BLK: variants seen among roughly 807,000 people sequenced by gnomAD.
BLK encodes the protein BLK proto-oncogene, Src family tyrosine kinase, also known as tyrosine-protein kinase Blk.
Under a neutral mutation model 61.8 loss-of-function variants are expected in BLK, and 64 were observed. The observed-to-expected ratio is 1.03, with a 90% confidence interval of 0.85 to 1.27. BLK has a LOEUF of 1.27. BLK is among the 50% of genes most tolerant of loss of function. The probability of loss-of-function intolerance (pLI) is 0.00; values close to 1 mark genes in which losing one functional copy is unlikely to be tolerated. For missense variants in BLK, 853 were observed against 660.5 expected, an observed-to-expected ratio of 1.29 and a Z score of -3.19; for synonymous variants, 351 against 272.0, an observed-to-expected ratio of 1.29 and a Z score of -2.86.
At chr8:11,562,748 G>C (rs1280821277) in intron 11 of BLK, among the ~76,000 whole-genome samples, 2 of 152,200 alleles carry the variant, frequency 1.3e-5, no homozygotes, top group Non-Finnish European at 2.9e-5. Flanking sequence ...GTGACTGTGT[G>C]GTATTGGTGT....
At chr8:11,529,907 A>G (rs1159280446) in intron 1 of BLK, among the ~76,000 whole-genome samples, 1 of 152,188 alleles carries the variant, frequency 6.6e-6, no homozygotes, top group South Asian at 2.1e-4. Flanking sequence ...CAAGGAATCC[A>G]GGTGAATAAC....
At chr8:11,540,076 C>T (rs1444247476) in intron 1 of BLK, among the ~76,000 whole-genome samples, 1 of 152,034 alleles carries the variant, frequency 6.6e-6, no homozygotes, top group East Asian at 1.9e-4. Context: ...TCTCTCTTCG[C>T]TTCTGGGTAT....
intron 1 of BLK, among the ~76,000 whole-genome samples, chr8:11,540,826 C>T (rs35451117): frequency 2.0e-5 from 3 of 148,478 alleles, no homozygotes; most frequent in African/African-American, 7.5e-5. Flanking sequence ...GAACAGATAA[C>T]CCCACTGTTA....
At chr8:11,503,181 A>G (rs1358612079) in intron 1 of BLK, among the ~76,000 whole-genome samples, 3 of 152,208 alleles carry the variant, frequency 2.0e-5, no homozygotes, top group East Asian at 1.9e-4. Flanking sequence ...ATGTTTGTGT[A>G]TGTGTGAAGC....
intron 6 of BLK, among the ~76,000 whole-genome samples, 189 bp downstream of exon 6, chr8:11,550,451 G>C (rs571297859): frequency 3.3e-5 from 5 of 152,252 alleles, no homozygotes; most frequent in Non-Finnish European, 5.9e-5. Context: ...AGTCCTCCCT[G>C]TCCCGGCTGG....
In BLK at chr8:11,554,858, C is replaced by G. The variant is rs753444298; in HGVS notation, c.588C>G (p.Pro196=). The G allele has an allele frequency of 6.2e-6, 10 of 1,613,852 alleles. No individual in the cohort carries two copies. In the South Asian group the frequency reaches 1.1e-4, roughly 18 times the overall value. The change falls in exon 7 of 13, where the codon CCC becomes CCG. Residue 196 remains proline (P), a synonymous_variant. Coordinates refer to ENST00000259089, the MANE Select transcript of BLK (RefSeq NM_001715.3). Reference sequence around the variant, plus strand: ...ACATCTCCCCCCGGATCACCTTCCCCTCGCTCCAGGCCCTGGTGCAGCACT... The same window carrying G: ...ACATCTCCCCCCGGATCACCTTCCCGTCGCTCCAGGCCCTGGTGCAGCACT... The part of the protein sequence containing the change: ...GYYISPRITF[P]SLQALVQHYS...
At position 11,564,117 on chromosome 8, in the gene BLK, G is replaced by A. The variant is rs942821581; in HGVS notation, c.*9G>A. 18 of 1,545,246 alleles carry A rather than the reference G, an allele frequency of 1.2e-5. No individual in the cohort carries two copies. The highest frequency in any genetic ancestry group is 2.4e-5 in the East Asian group (1 of 41,402). ...ACGAGCTGCAGCCCTAGCCGGCCGC[G>A]CCCGCCTGCGCCCCGTGCCCACCTC... On this transcript the variant is annotated 3_prime_UTR_variant, in exon 13 of 13. Coordinates refer to ENST00000259089, the MANE Select transcript of BLK (RefSeq NM_001715.3).
At chr8:11,535,261 G>GAGGAAAGA (rs1800069959) in intron 1 of BLK, among the ~76,000 whole-genome samples, 1 of 110,454 alleles carries the variant, frequency 9.1e-6, no homozygotes, top group Admixed American at 1.0e-4. Flanking sequence ...AAGAAAGAAA[G>GAGGAAAGA]AAGAAAGAAA....
chr8:11,549,867 T>C (rs935210742), intron 5 of BLK: 1 of 427,506 alleles, frequency 2.3e-6, no homozygotes, highest in Non-Finnish European at 4.4e-6. Context: ...TTGGAGAGAG[T>C]GATCAGGGGC....
chr8:11,538,957 A>C (rs1170401426), intron 1 of BLK, among the ~76,000 whole-genome samples: 1 of 152,228 alleles, frequency 6.6e-6, no homozygotes. Flanking sequence ...AGAAATATAT[A>C]CAATTAAAAG....
At chr8:11,512,115 AG>A (rs1022522812) in intron 1 of BLK, among the ~76,000 whole-genome samples, 3 of 152,244 alleles carry the variant, frequency 2.0e-5, no homozygotes, top group African/African-American at 7.2e-5. Flanking sequence ...TGAAGAGCTC[AG>A]GAGGAGTCTG....
intron 6 of BLK, chr8:11,553,289 C>A (rs1250870909): frequency 2.9e-6 from 1 of 341,214 alleles, no homozygotes; most frequent in Non-Finnish European, 5.8e-6. Context: ...TTTCACAGCT[C>A]AAAGGCAGGC....
rs764275474 is a variant in BLK at position 11,564,579 on chromosome 8, A to G, written c.*471A>G. 4.7e-6 allele frequency: 2 copies of G among 427,622 alleles called. No individual in the cohort carries two copies. The highest frequency in any genetic ancestry group is 3.3e-5 in the South Asian group (2 of 59,866). The allele number at this position is 427,622 out of a possible 1,614,324, so 26.5% of individuals were successfully genotyped here. A position where few individuals can be genotyped will look rare whatever the true frequency, so the allele number is the denominator to read the frequency against. ...CTCCAGCACTGCGGGGCTTTTCTGCAATAAAGTCACGAGCGTTCGAGCTGT... is the reference window on the plus strand; with the variant it reads ...CTCCAGCACTGCGGGGCTTTTCTGCGATAAAGTCACGAGCGTTCGAGCTGT... On this transcript the variant is annotated 3_prime_UTR_variant, in exon 13 of 13. Transcript: ENST00000259089.
chr8:11,532,984 T>C (rs1246194124), intron 1 of BLK, among the ~76,000 whole-genome samples: 1 of 152,190 alleles, frequency 6.6e-6, no homozygotes, highest in Non-Finnish European at 1.5e-5. Flanking sequence ...ATCTGTAAAA[T>C]GGGAAGGTAT....
intron 2 of BLK, 90 bp from the exon 3 acceptor site, chr8:11,545,962 C>A (rs990934012): frequency 2.2e-6 from 3 of 1,383,810 alleles, no homozygotes; most frequent in South Asian, 1.2e-5. Flanking sequence ...CCTGGAGATA[C>A]CCTGGCTGCC....
chr8:11,556,649 C>T lies in BLK; in HGVS notation c.773-9C>T, dbSNP rs772158649. On this transcript the variant is annotated splice_polypyrimidine_tract_variant and intron_variant, in intron 8 of 12. Coordinates refer to ENST00000259089, the MANE Select transcript of BLK (RefSeq NM_001715.3). ...CTTCTGATTGGCTTCTTCACTCCCC[C>T]GGGCTCAGGTTACTACAAAAACAAC... is the stretch of plus-strand genomic sequence containing the variant. The T allele has an allele frequency of 2.4e-5, 38 of 1,613,962 alleles. No homozygotes were observed. The highest frequency in any genetic ancestry group is 6.7e-5 in the Admixed American group (4 of 60,002).
intron 6 of BLK, among the ~76,000 whole-genome samples, chr8:11,551,318 C>T (rs1056539355): frequency 2.0e-5 from 3 of 152,144 alleles, no homozygotes; most frequent in East Asian, 1.9e-4. Context: ...TGGCTCCTCC[C>T]GGGAGCTCTC....
chr8:11,555,437 G>A lies in BLK; in HGVS notation c.725G>A (p.Arg242Lys). ...TGGGAGATCCCCCGGCAGTCTCTCA[G>A]GCTGGTCAGGAAACTCGGGTCTGGA... ...DEWEIPRQSL[R>K]LVRKLGSGQF... is the part of the protein sequence containing the mutation. The change falls in exon 8 of 13, where the codon AGG (arginine) becomes AAG (lysine). Residue 242 changes from arginine (R) to lysine (K), a missense_variant. Arg to Lys is a conservative substitution (Grantham distance 26). Transcript: ENST00000259089. The A allele has an allele frequency of 6.2e-7, 1 of 1,614,190 alleles. No homozygotes were observed. Among genetic ancestry groups the A allele is most frequent in the Non-Finnish European group, 8.5e-7 (1 of 1,180,030 alleles).
At chr8:11,520,910 T>A (rs1346987755) in intron 1 of BLK, among the ~76,000 whole-genome samples, 1 of 152,214 alleles carries the variant, frequency 6.6e-6, no homozygotes, top group East Asian at 1.9e-4. Flanking sequence ...AAAAATTGTA[T>A]ATAAATTTAA....
Sources: allele counts gnomAD v4.1 joint callset (sites outside exome capture counted in the v4.1 genomes callset), GRCh38; gene constraint gnomAD v4.1.1; transcripts MANE v1.5; gene names NCBI Gene and HGNC (gene_info 2026-07-23, HGNC 2026-07-21).